CCDC25: variants seen among roughly 807,000 people sequenced by gnomAD.
The protein encoded by CCDC25 is coiled-coil domain containing 25, also known as coiled-coil domain-containing protein 25.
A neutral mutation model predicts 35.3 loss-of-function variants in CCDC25; 16 were observed. The observed-to-expected ratio is 0.45, with a 90% CI of 0.31 to 0.69. CCDC25 has a LOEUF of 0.69. CCDC25 is among the 30% of genes least tolerant of loss of function. CCDC25 has a pLI of 0.06. For synonymous variants in CCDC25, 79 were observed against 80.3 expected (o/e 0.98, Z 0.09); for missense variants, 179 against 250.7 (o/e 0.71, Z 1.93).
At chr8:27,738,308 A>G (rs555615370) in intron 8 of CCDC25, among the ~76,000 whole-genome samples, 114 of 152,352 alleles carry the variant, frequency 7.5e-4, no homozygotes, top group African/African-American at 2.6e-3. Context: ...ATCCCTTAAC[A>G]GAAGACGGTT....
rs895183638 is a variant in CCDC25, at chr8:27,752,499, T to C, written c.244+13A>G. On this transcript the variant is annotated intron_variant, in intron 5 of 8. Transcript: ENST00000356537. ...TCCGTGCTAATTCTAAAAACACCTC[T>C]AGGAAAACTGACCTTGAATGCTATT... 2 of 1,607,610 alleles carry C rather than the reference T, an allele frequency of 1.2e-6. No individual in the cohort carries two copies. The highest frequency in any genetic ancestry group is 1.7e-6 in the Non-Finnish European group (2 of 1,174,452).
At chr8:27,771,455 ATAAC>A (rs559409997) in intron 1 of CCDC25, among the ~76,000 whole-genome samples, 40 of 152,320 alleles carry the variant, frequency 2.6e-4, no homozygotes, top group Admixed American at 7.2e-4. Flanking sequence ...ATTATTGACA[ATAAC>A]TAATAATAAA....
intron 3 of CCDC25, among the ~76,000 whole-genome samples, chr8:27,759,911 G>A (rs190385680): frequency 3.5e-4 from 53 of 152,100 alleles, no homozygotes; most frequent in African/African-American, 1.1e-3. Context: ...GGTAATGAAT[G>A]ATTCAACAGC....
chr8:27,772,556 G>A lies in CCDC25; in HGVS notation c.-16C>T. 1 of 1,549,052 alleles carries A rather than the reference G, an allele frequency of 6.5e-7. No individual in the cohort carries two copies. The highest frequency in any genetic ancestry group is 8.7e-7 in the Non-Finnish European group (1 of 1,146,474). On this transcript the variant is annotated 5_prime_UTR_variant, in exon 1 of 9. Transcript: ENST00000356537. ...AGAACACCATGATCCCGGGAGCGGTGCGGTGACTCCACCGCGGAGCAGCAG... is the reference window on the plus strand; with the variant it reads ...AGAACACCATGATCCCGGGAGCGGTACGGTGACTCCACCGCGGAGCAGCAG...
At chr8:27,766,935 T>C (rs1804420987) in intron 1 of CCDC25, among the ~76,000 whole-genome samples, 1 of 148,452 alleles carries the variant, frequency 6.7e-6, no homozygotes, top group Admixed American at 6.7e-5. Flanking sequence ...TGTATATACA[T>C]ACACATACAT....
In CCDC25 at chr8:27,734,469, C is replaced by T. The variant is rs1442782016; in HGVS notation, c.*1747G>A. The T allele has an allele frequency of 6.6e-6, 1 of 152,132 alleles. No individual in the cohort carries two copies. The highest frequency in any genetic ancestry group is 1.5e-5 in the Non-Finnish European group (1 of 68,038). 9.4% of individuals were successfully genotyped at this position (152,132 alleles called of 1,614,324 possible). A position where few individuals can be genotyped will look rare whatever the true frequency, so the allele number is the denominator to read the frequency against. On this transcript the variant is annotated 3_prime_UTR_variant, in exon 9 of 9. Transcript: ENST00000356537. ...AGGAGTTCAATGCCAACAGTTTGAC[C>T]TGTGGGCAATCAACCTATAAGTCCT...
intron 1 of CCDC25, among the ~76,000 whole-genome samples, chr8:27,765,634 A>AAAAAAAG (rs1554551951): frequency 6.6e-6 from 1 of 151,878 alleles, no homozygotes; most frequent in African/African-American, 2.4e-5. Context: ...GAGTTAAAAA[A>AAAAAAAG]AAAAGAAAAG....
rs1413602643 is a variant in CCDC25, at chr8:27,737,741, GA to G, written c.598-1497del. ...CCCACTACTGGGTATCTACCCAGAG[GA>G]AAAGAAGTCATTATTCAAAAAAGAT... On this transcript the variant is annotated intron_variant, in intron 8 of 8. Coordinates refer to ENST00000356537, the MANE Select transcript of CCDC25 (RefSeq NM_018246.3). This position sits in a 1 kb window ranked among gnomAD's most constrained non-coding sequence, Gnocchi z 4.6. 6.6e-6 allele frequency among the ~76,000 whole-genome samples: 1 copy of G among 152,118 alleles called. No homozygotes were observed. Among genetic ancestry groups the G allele is most frequent in the Admixed American group, 6.6e-5 (1 of 15,260 alleles).
chr8:27,765,112 CAACA>C (rs1804355871), intron 2 of CCDC25, 88 bp downstream of exon 2: 7 of 1,235,756 alleles, frequency 5.7e-6, no homozygotes, highest in Non-Finnish European at 7.8e-6. Flanking sequence ...AACTCAGAAC[CAACA>C]AACTGGGTGG....
rs1214323621 is a variant in CCDC25, at chr8:27,736,029, A to G, written c.*187T>C. The G allele has an allele frequency of 1.3e-5, 7 of 553,924 alleles. No homozygotes were observed. The East Asian group carries it at 2.2e-4, about 17-fold the overall frequency. The allele number at this position is 553,924 out of a possible 1,614,324, so 34.3% of individuals were successfully genotyped here. The stretch of plus-strand genomic sequence containing the variant: ...GCTGTCAAGTTCAACTATTTTATAC[A>G]TATCTGATCCTTTTCTGTCAGCAAA... On this transcript the variant is annotated 3_prime_UTR_variant, in exon 9 of 9. Coordinates refer to ENST00000356537, the MANE Select transcript of CCDC25 (RefSeq NM_018246.3).
chr8:27,756,676 T>C (rs776490576), intron 4 of CCDC25, 43 bp downstream of exon 4: 3 of 1,298,484 alleles, frequency 2.3e-6, no homozygotes, highest in Non-Finnish European at 3.4e-6. Context: ...ATATGATGCA[T>C]CATCAGGAGA....
intron 8 of CCDC25, 112 bp from the exon 9 acceptor site, chr8:27,736,357 G>T: frequency 1.2e-6 from 1 of 827,812 alleles, no homozygotes; most frequent in African/African-American, 1.8e-5. Flanking sequence ...ACTGAGTTCA[G>T]AAAGTAAAAT....
At position 27,772,603 on chromosome 8, in the gene CCDC25, G is replaced by C. The variant is rs984425948; in HGVS notation, c.-63C>G. On this transcript the variant is annotated 5_prime_UTR_variant, in exon 1 of 9. It adds an upstream start codon to the 5' untranslated region. Transcript: ENST00000356537. ...GCAGCGCTCAACTCACGAAGCTCAG[G>C]ATACCAGACTCGCGGCGGCCGCCTG... 14 of 1,506,472 alleles carry C rather than the reference G, an allele frequency of 9.3e-6. No homozygotes were observed. The highest frequency in any genetic ancestry group is 2.0e-5 in the Admixed American group (1 of 49,798). The allele number at this position is 1,506,472 out of a possible 1,614,324, so 93.3% of individuals were successfully genotyped here.
intron 3 of CCDC25, among the ~76,000 whole-genome samples, chr8:27,759,608 CAAAAAAAAAA>C (rs146836795): frequency 1.1e-5 from 1 of 88,458 alleles, no homozygotes; most frequent in Non-Finnish European, 2.1e-5. Flanking sequence ...GACTCTGTCT[CAAAAAAAAAA>C]AAAAAAAAAA....
At chr8:27,769,534 G>GC in intron 1 of CCDC25, among the ~76,000 whole-genome samples, 2 of 152,322 alleles carry the variant, frequency 1.3e-5, no homozygotes, top group Middle Eastern at 6.8e-3. Flanking sequence ...ATAAAGAGAT[G>GC]CCTGAGTTGC....
At position 27,740,505 on chromosome 8, in the gene CCDC25, T is replaced by C. The variant is rs765204564; in HGVS notation, c.564A>G (p.Ser188=). 1.9e-6 allele frequency: 3 copies of C among 1,606,892 alleles called. No homozygotes were observed. The highest frequency in any genetic ancestry group is 2.2e-5 in the East Asian group (1 of 44,822). ...AAGACATATTTTCAACTTTCATTAG[T>C]GATGAATAGCTCCTAGAAGGAAAAA... is the stretch of plus-strand genomic sequence containing the variant. The part of the protein sequence containing the change: ...REMDELRSYS[S]LMKVENMSSN... The change falls in exon 8 of 9, where the codon TCA becomes TCG. Residue 188 remains serine (S), a synonymous_variant. Transcript: ENST00000356537.
Position 27,763,674 on chromosome 8 carries a change from C to T in CCDC25, c.77-1216G>A, listed in dbSNP as rs79905292. 1.2e-4 allele frequency among the ~76,000 whole-genome samples: 18 copies of T among 152,178 alleles called. No homozygotes were observed. The East Asian group carries it at 2.7e-3, about 23-fold the overall frequency. ...TGAAGGTTGCAGTGAGCTGAAATCA[C>T]GCCACTGCACTCCAGCCTGGGTGAC... On this transcript the variant is annotated intron_variant, in intron 2 of 8. Transcript: ENST00000356537.
In CCDC25 at chr8:27,765,198, A is replaced by G; in HGVS notation, c.76+6T>C. 1 of 1,508,624 alleles carries G rather than the reference A, an allele frequency of 6.6e-7. No individual in the cohort carries two copies. The highest frequency in any genetic ancestry group is 9.0e-7 in the Non-Finnish European group (1 of 1,113,390). 93.5% of individuals were successfully genotyped at this position (1,508,624 alleles called of 1,614,324 possible). ...ATTTCAAAATCAAATGCTTTTGAAA[A>G]CTTACTTTCATATTTATCTTTTCCC... On this transcript the variant is annotated splice_donor_region_variant and intron_variant, in intron 2 of 8. Transcript: ENST00000356537.
Position 27,762,557 on chromosome 8 carries a change from T to G in CCDC25, c.77-99A>C, listed in dbSNP as rs1287432959. On this transcript the variant is annotated intron_variant, in intron 2 of 8. Coordinates refer to ENST00000356537, the MANE Select transcript of CCDC25 (RefSeq NM_018246.3). ...AGAAATGTCAGCTCCTCCCACAAAT[T>G]TCTCTCTCCCTCAATGAAGAAGAGT... 6.9e-6 allele frequency: 7 copies of G among 1,018,558 alleles called. No homozygotes were observed. In the Admixed American group the frequency reaches 1.5e-4, roughly 21 times the overall value. 63.1% of individuals were successfully genotyped at this position (1,018,558 alleles called of 1,614,324 possible).
Sources: allele counts gnomAD v4.1 joint callset (sites outside exome capture counted in the v4.1 genomes callset), GRCh38; gene constraint gnomAD v4.1.1; non-coding constraint Gnocchi (gnomAD v3.1); transcripts MANE v1.5; gene names NCBI Gene and HGNC (gene_info 2026-07-23, HGNC 2026-07-21).